The following AFG1L variants were observed in gnomAD, a reference collection of about 807,000 sequenced individuals.
The protein encoded by AFG1L is AFG1 like ATPase.
A neutral mutation model predicts 62.2 loss-of-function variants in AFG1L; 53 were observed. The ratio of observed to expected loss-of-function variants is 0.85; its 90% CI spans 0.68 to 1.07. The LOEUF is 1.07. Among genes scored for constraint, AFG1L ranks in the 50% least tolerant of loss-of-function variants. The pLI, the probability that AFG1L is intolerant of heterozygous loss-of-function variation, is 0.00. For missense variants in AFG1L, 555 were observed against 590.5 expected (o/e 0.94, Z 0.62); for synonymous variants, 228 against 210.3 (o/e 1.08, Z -0.73).
At chr6:108,316,380 CAAAAAAAAAAAAAA>C (rs768461563) in intron 1 of AFG1L, among the ~76,000 whole-genome samples, 2 of 18,842 alleles carry the variant, frequency 1.1e-4, no homozygotes, top group African/African-American at 1.5e-4. Context: ...GACTCCGTCT[CAAAAAAAAAAAAAA>C]AAAAAAAAAA....
intron 6 of AFG1L, among the ~76,000 whole-genome samples, chr6:108,372,107 GTATA>G (rs968973465): frequency 9.4e-5 from 14 of 149,502 alleles, no homozygotes; most frequent in African/African-American, 3.4e-4. Context: ...TATTATGTAT[GTATA>G]TATATATATA....
intron 12 of AFG1L, 103 bp downstream of exon 12, chr6:108,519,913 C>G (rs563584454): frequency 1.9e-4 from 116 of 618,370 alleles, no homozygotes; most frequent in Non-Finnish European, 3.1e-4. Context: ...GTATAGTTAA[C>G]CATTGATTGG....
chr6:108,474,636 T>C (rs1773037521), intron 8 of AFG1L, among the ~76,000 whole-genome samples: 1 of 152,242 alleles, frequency 6.6e-6, no homozygotes, highest in South Asian at 2.1e-4. Flanking sequence ...TAATGACCAG[T>C]GGTGTTGAGC....
chr6:108,400,704 TATATATATTTA>T (rs1781540476), intron 6 of AFG1L, among the ~76,000 whole-genome samples: 1 of 124,048 alleles, frequency 8.1e-6, no homozygotes. Context: ...TATATATTAT[TATATATATTTA>T]ATATATATTA....
At chr6:108,450,989 A>G (rs1326600599) in intron 8 of AFG1L, among the ~76,000 whole-genome samples, 2 of 151,984 alleles carry the variant, frequency 1.3e-5, no homozygotes, top group Admixed American at 6.6e-5. Flanking sequence ...AACAGACTTT[A>G]ATGTGCTATG....
intron 11 of AFG1L, among the ~76,000 whole-genome samples, chr6:108,518,384 G>A (rs1284734946): frequency 6.6e-6 from 1 of 151,562 alleles, no homozygotes; most frequent in Non-Finnish European, 1.5e-5. Flanking sequence ...ATCATTCTCA[G>A]CAAACTATGG....
chr6:108,410,918 A>T (rs948366680), intron 7 of AFG1L, among the ~76,000 whole-genome samples: 1 of 152,082 alleles, frequency 6.6e-6, no homozygotes, highest in Admixed American at 6.5e-5. Flanking sequence ...GGTTCATCTC[A>T]CTGGGGCTTG....
intron 2 of AFG1L, among the ~76,000 whole-genome samples, chr6:108,335,265 C>T (rs766820858): frequency 3.9e-5 from 6 of 152,120 alleles, no homozygotes; most frequent in Admixed American, 6.5e-5. Flanking sequence ...GCCACTGCCC[C>T]GGCTGGTTTT....
rs187049287 is a variant in AFG1L at position 108,427,806 on chromosome 6, G to A, written c.808-19408G>A. On this transcript the variant is annotated intron_variant, in intron 7 of 12. Transcript: ENST00000368977. ...CAAAGTGCTGGGATTACAGGCGTGA[G>A]CCACCACCCCGGCCTCAAAATGGAA... Among the ~76,000 whole-genome samples the A allele has an allele frequency of 1.8e-3, 279 of 152,220 alleles. 2 individuals are homozygous for A. The highest frequency in any genetic ancestry group is 6.4e-3 in the African/African-American group (266 of 41,556).
At chr6:108,393,466 T>C (rs1327252524) in intron 6 of AFG1L, among the ~76,000 whole-genome samples, 1 of 151,986 alleles carries the variant, frequency 6.6e-6, no homozygotes, top group Non-Finnish European at 1.5e-5. Context: ...TTGGATGATA[T>C]ATATATCCTT....
intron 6 of AFG1L, among the ~76,000 whole-genome samples, chr6:108,386,614 A>G (rs1043166757): frequency 4.6e-5 from 7 of 152,226 alleles, no homozygotes; most frequent in African/African-American, 7.2e-5. Flanking sequence ...TGCATCAGAA[A>G]TGAAAATGGT....
intron 10 of AFG1L, among the ~76,000 whole-genome samples, chr6:108,488,438 T>G (rs1446338525): frequency 6.6e-6 from 1 of 152,130 alleles, no homozygotes; most frequent in African/African-American, 2.4e-5. Context: ...GAGATTCTGT[T>G]GGTGCAAAGG....
intron 7 of AFG1L, among the ~76,000 whole-genome samples, chr6:108,435,211 G>A (rs1343152444): frequency 6.6e-6 from 1 of 152,168 alleles, no homozygotes; most frequent in Non-Finnish European, 1.5e-5. Flanking sequence ...AAACCAGAAG[G>A]GGCTATGGGA....
intron 8 of AFG1L, among the ~76,000 whole-genome samples, chr6:108,465,097 C>A (rs1163326828): frequency 6.6e-6 from 1 of 152,178 alleles, no homozygotes; most frequent in Non-Finnish European, 1.5e-5. Flanking sequence ...CATTTTTATG[C>A]TACCCAGGTC....
chr6:108,491,193 T>C (rs1250093953), intron 10 of AFG1L, among the ~76,000 whole-genome samples: 1 of 152,184 alleles, frequency 6.6e-6, no homozygotes, highest in Non-Finnish European at 1.5e-5. Context: ...AAAGTTAATA[T>C]ACATAAATCT....
intron 7 of AFG1L, among the ~76,000 whole-genome samples, chr6:108,405,523 T>G (rs781328231): frequency 1.3e-5 from 2 of 152,138 alleles, no homozygotes; most frequent in African/African-American, 2.4e-5. Context: ...ATTTTTGTAT[T>G]TTTTGTAGAG....
At chr6:108,515,661 G>A (rs1211749182) in intron 11 of AFG1L, among the ~76,000 whole-genome samples, 3 of 151,962 alleles carry the variant, frequency 2.0e-5, no homozygotes, top group Non-Finnish European at 2.9e-5. Context: ...AGAATAGAAC[G>A]GAAGAAAATA....
intron 4 of AFG1L, among the ~76,000 whole-genome samples, chr6:108,356,132 C>T (rs1469502186): frequency 6.6e-6 from 1 of 152,186 alleles, no homozygotes; most frequent in African/African-American, 2.4e-5. Flanking sequence ...AGCTTTATTG[C>T]TTTGCTAGTG....
intron 1 of AFG1L, among the ~76,000 whole-genome samples, chr6:108,302,054 C>G (rs903108496): frequency 5.9e-5 from 9 of 151,592 alleles, no homozygotes; most frequent in Admixed American, 2.6e-4. Context: ...TCAAGTGACT[C>G]TCCTGCCTCA....
Sources: allele counts gnomAD v4.1 joint callset (sites outside exome capture counted in the v4.1 genomes callset), GRCh38; gene constraint gnomAD v4.1.1; transcripts MANE v1.5; gene names NCBI Gene and HGNC (gene_info 2026-07-23, HGNC 2026-07-21).